Variants in DENND1B observed in about 807,000 individuals in gnomAD.
DENND1B encodes the protein DENN domain containing 1B.
DENND1B carries 59 observed loss-of-function variants against 90.1 expected under a neutral mutation model. The observed-to-expected ratio is 0.65, with a 90% CI of 0.53 to 0.81. The LOEUF (loss-of-function observed/expected upper bound fraction) is 0.81. Ranked by LOEUF, DENND1B falls within the 40% of genes least tolerant of loss-of-function variation. The pLI is 0.00. For synonymous variants in DENND1B, 337 were observed against 324.6 expected, an observed-to-expected ratio of 1.04 and a Z score of -0.41; for missense variants, 862 against 912.6, an observed-to-expected ratio of 0.94 and a Z score of 0.71.
At position 197,721,065 on chromosome 1, in the gene DENND1B, A is replaced by ATTTTTTTT. The variant is rs11371047; in HGVS notation, c.83-5999_83-5992dup. Among the ~76,000 whole-genome samples the ATTTTTTTT allele has an allele frequency of 5.1e-5, 5 of 98,970 alleles. 1 individual carries two copies. The highest frequency in any genetic ancestry group is 4.1e-5 in the African/African-American group (1 of 24,480). The allele number at this position is 98,970 out of a possible 152,430, so 64.9% of individuals were successfully genotyped here. A position where few individuals can be genotyped will look rare whatever the true frequency, so the allele number is the denominator to read the frequency against. ...TTCTGAGGTGGGCCTGAGAAACGGC[A>ATTTTTTTT]TTTTTTTTTTTTTTTTTTTTTTGAG... On this transcript the variant is annotated intron_variant, in intron 2 of 22. Transcript: ENST00000620048.
intron 10 of DENND1B, among the ~76,000 whole-genome samples, chr1:197,634,324 G>A (rs993109983): frequency 6.6e-6 from 1 of 151,872 alleles, no homozygotes; most frequent in African/African-American, 2.4e-5. Context: ...CTCTTTCCTG[G>A]TCATATCCAG....
chr1:197,734,237 CA>C (rs1662422791), intron 2 of DENND1B: 1 of 900,184 alleles, frequency 1.1e-6, no homozygotes, highest in Non-Finnish European at 1.3e-6. Flanking sequence ...GTATATAAAC[CA>C]AACCATTCTT....
rs1486549790 is a variant in DENND1B, at chr1:197,755,456, T to C, written c.82+17412A>G. 2.7e-5 allele frequency among the ~76,000 whole-genome samples: 4 copies of C among 149,288 alleles called. No individual in the cohort carries two copies. The East Asian group carries it at 5.8e-4, about 22-fold the overall frequency. Reference sequence around the variant, plus strand: ...AAAAAAAAAATACAATGGTACAGGATGCCAAAACAAAAGAAAAAAAAGATC... The same window carrying C: ...AAAAAAAAAATACAATGGTACAGGACGCCAAAACAAAAGAAAAAAAAGATC... On this transcript the variant is annotated intron_variant, in intron 2 of 22. Coordinates refer to ENST00000620048, the MANE Select transcript of DENND1B (RefSeq NM_001195215.2).
At chr1:197,511,064 T>A in intron 22 of DENND1B, 92 bp from the exon 23 acceptor site, 2 of 1,250,778 alleles carry the variant, frequency 1.6e-6, no homozygotes, top group Admixed American at 3.5e-5. Context: ...TTAATAGCGT[T>A]AAGTTCCTCC....
At position 197,588,482 on chromosome 1, in the gene DENND1B, C is replaced by T. The variant is rs532288463; in HGVS notation, c.1048-5229G>A. 1.3e-4 allele frequency among the ~76,000 whole-genome samples: 20 copies of T among 152,124 alleles called. No individual in the cohort carries two copies. In the East Asian group the frequency reaches 1.4e-3, roughly 10 times the overall value. On this transcript the variant is annotated intron_variant, in intron 14 of 22. Transcript: ENST00000620048. The stretch of plus-strand genomic sequence containing the variant: ...ATTAGGGCATCAGAAAGAATGATAA[C>T]GTAAAAAATGTGAAATATAATCCAA...
At chr1:197,626,279 T>A (rs912914019) in intron 10 of DENND1B, among the ~76,000 whole-genome samples, 2 of 151,756 alleles carry the variant, frequency 1.3e-5, no homozygotes, top group African/African-American at 4.8e-5. Flanking sequence ...GAAGTAAAGC[T>A]CTCCTCAGCA....
chr1:197,773,249 C>A lies in DENND1B; in HGVS notation c.18-317G>T, dbSNP rs574690937. ...TCAAATAACATATGTGCAAGTACTT[C>A]ATTAAGTACTAAGTGCTACAAAAAT... On this transcript the variant is annotated intron_variant, in intron 1 of 22. Coordinates refer to ENST00000620048, the MANE Select transcript of DENND1B (RefSeq NM_001195215.2). 3.0e-4 allele frequency among the ~76,000 whole-genome samples: 46 copies of A among 152,308 alleles called. No individual in the cohort carries two copies. The South Asian group carries it at 8.3e-3, about 27-fold the overall frequency.
At chr1:197,722,185 T>C (rs879842150) in intron 2 of DENND1B, among the ~76,000 whole-genome samples, 1 of 151,994 alleles carries the variant, frequency 6.6e-6, no homozygotes, top group Admixed American at 6.5e-5. Flanking sequence ...ATAATAATAA[T>C]AAGGCCTCTT....
chr1:197,660,197 T>C (rs898201542), intron 5 of DENND1B, among the ~76,000 whole-genome samples: 3 of 151,956 alleles, frequency 2.0e-5, no homozygotes, highest in African/African-American at 7.2e-5. Flanking sequence ...GAAACTAGAA[T>C]AAAAAGATAA....
chr1:197,507,823 C>T lies in DENND1B; in HGVS notation c.*2637G>A, dbSNP rs1389306255. 4.0e-5 allele frequency: 6 copies of T among 151,534 alleles called. No homozygotes were observed. Among genetic ancestry groups the T allele is most frequent in the Admixed American group, 3.3e-4 (5 of 15,158 alleles). The allele number at this position is 151,534 out of a possible 1,614,324, so 9.4% of individuals were successfully genotyped here. On this transcript the variant is annotated 3_prime_UTR_variant, in exon 23 of 23. Transcript: ENST00000620048. ...TAGGAAGTCTAAGTTTAAGAGCAGA[C>T]TTTGAATATTCAAAATTTTACTGGT... is the stretch of plus-strand genomic sequence containing the variant.
chr1:197,644,191 T>C (rs959933951), intron 9 of DENND1B, among the ~76,000 whole-genome samples: 2 of 152,220 alleles, frequency 1.3e-5, no homozygotes, highest in African/African-American at 2.4e-5. Context: ...ATATTTCCTA[T>C]AATCTAAAAG....
intron 20 of DENND1B, among the ~76,000 whole-genome samples, chr1:197,515,538 G>A (rs1483827699): frequency 6.6e-6 from 1 of 151,748 alleles, no homozygotes; most frequent in East Asian, 1.9e-4. Context: ...CTGCATTTAA[G>A]TTTTTGTTTA....
the DENND1B span, among the ~76,000 whole-genome samples, chr1:197,781,420 C>T: frequency 6.6e-6 from 1 of 152,124 alleles, no homozygotes; most frequent in Admixed American, 6.5e-5. Context: ...AAGTATTTAA[C>T]AAACTGAATT....
chr1:197,552,740 G>A, intron 16 of DENND1B: 2 of 1,195,708 alleles, frequency 1.7e-6, no homozygotes, highest in Non-Finnish European at 2.1e-6. Context: ...AGGAAGATAT[G>A]AGTTGATTGG....
chr1:197,575,997 G>C (rs1325726423), intron 15 of DENND1B, among the ~76,000 whole-genome samples: 1 of 152,024 alleles, frequency 6.6e-6, no homozygotes, highest in Non-Finnish European at 1.5e-5. Context: ...GAGTTAATGG[G>C]TGCAGCAAAC....
At chr1:197,727,392 A>G (rs542746913) in intron 2 of DENND1B, among the ~76,000 whole-genome samples, 16 of 152,010 alleles carry the variant, frequency 1.1e-4, no homozygotes, top group Admixed American at 7.9e-4. Flanking sequence ...ACAATGAGCC[A>G]GGCGTGGTGG....
At chr1:197,657,879 T>C (rs1424795648) in intron 6 of DENND1B, among the ~76,000 whole-genome samples, 1 of 152,066 alleles carries the variant, frequency 6.6e-6, no homozygotes, top group Non-Finnish European at 1.5e-5. Context: ...GAAGAATGAA[T>C]GAACAAACTG....
At chr1:197,651,469 CAT>C (rs1653161450) in intron 7 of DENND1B, among the ~76,000 whole-genome samples, 1 of 151,784 alleles carries the variant, frequency 6.6e-6, no homozygotes, top group Admixed American at 6.6e-5. Context: ...TACTAGAAGA[CAT>C]ATTACTGTAT....
chr1:197,707,684 A>G (rs1023433208), intron 3 of DENND1B, among the ~76,000 whole-genome samples: 9 of 146,680 alleles, frequency 6.1e-5, no homozygotes, highest in African/African-American at 1.5e-4. Flanking sequence ...ATAATATAAT[A>G]TAATATAATA....
Sources: gnomAD v4.1 joint callset for allele counts (sites outside exome capture counted in the v4.1 genomes callset) on GRCh38, gnomAD v4.1.1 for gene constraint, MANE v1.5 for transcripts, NCBI Gene and HGNC (gene_info 2026-07-23, HGNC 2026-07-21) for gene names.